Variants in SRL observed in about 807,000 individuals in gnomAD.
SRL encodes the protein sarcalumenin.
A neutral mutation model predicts 39.5 loss-of-function variants in SRL; 23 were observed. The observed-to-expected ratio is 0.58, with a 90% confidence interval of 0.42 to 0.82. SRL has a LOEUF of 0.82. Ranked by LOEUF, SRL falls within the 40% of genes least tolerant of loss-of-function variation. The probability of loss-of-function intolerance (pLI) is 0.00; values close to 1 mark genes in which losing one functional copy is unlikely to be tolerated. For synonymous variants in SRL, 272 were observed against 237.4 expected, an observed-to-expected ratio of 1.15 and a Z score of -1.34; for missense variants, 592 against 607.8, an observed-to-expected ratio of 0.97 and a Z score of 0.27.
intron 2 of SRL, among the ~76,000 whole-genome samples, chr16:4,203,617 G>A (rs1372439821): frequency 2.6e-5 from 4 of 152,080 alleles, no homozygotes; most frequent in Admixed American, 2.0e-4. Context: ...TAACTCCTGG[G>A]CTCAAGTGAT....
chr16:4,195,149 C>T (rs1157347885), intron 5 of SRL, among the ~76,000 whole-genome samples: 1 of 152,116 alleles, frequency 6.6e-6, no homozygotes, highest in Non-Finnish European at 1.5e-5. Flanking sequence ...CCTGCCTTGG[C>T]CTCCCAGAGT....
In SRL at chr16:4,232,543, C is replaced by A. The variant is rs1352793056; in HGVS notation, c.61+9464G>T. Among the ~76,000 whole-genome samples, 4 of 151,844 alleles carry A rather than the reference C, an allele frequency of 2.6e-5. No homozygotes were observed. In the East Asian group the frequency reaches 7.7e-4, roughly 29 times the overall value. ...TTTTTTTTTTTTCAACAGAGTCTTG[C>A]TCTGGCACCCAGACTGGAGTGCACT... is the stretch of plus-strand genomic sequence containing the variant. On this transcript the variant is annotated intron_variant, in intron 1 of 5. Transcript: ENST00000399609.
At chr16:4,236,655 T>G (rs1356168933) in intron 1 of SRL, among the ~76,000 whole-genome samples, 2 of 152,092 alleles carry the variant, frequency 1.3e-5, no homozygotes, top group African/African-American at 4.8e-5. Flanking sequence ...CTGAACTTTT[T>G]TTTTTTGAGA....
chr16:4,203,520 ATTAT>A (rs1038908905), intron 2 of SRL, among the ~76,000 whole-genome samples: 1 of 151,980 alleles, frequency 6.6e-6, no homozygotes, highest in Non-Finnish European at 1.5e-5. Context: ...ATTTTATTTT[ATTAT>A]TTATTTATTT....
chr16:4,223,548 T>C (rs1014546049), intron 1 of SRL, among the ~76,000 whole-genome samples: 7 of 151,048 alleles, frequency 4.6e-5, no homozygotes, highest in Non-Finnish European at 7.4e-5. Flanking sequence ...GGCTAGGTTT[T>C]TAAATTTTTT....
intron 1 of SRL, among the ~76,000 whole-genome samples, chr16:4,217,899 G>A (rs1261485864): frequency 6.6e-6 from 1 of 152,138 alleles, no homozygotes. Context: ...GCTCAGTCAG[G>A]GGGCCCGGAG....
intron 1 of SRL, among the ~76,000 whole-genome samples, chr16:4,225,069 G>C (rs1240040602): frequency 1.3e-5 from 2 of 152,188 alleles, no homozygotes; most frequent in Non-Finnish European, 2.9e-5. Context: ...AAGCAGATTA[G>C]TGGTTGCTGG....
intron 1 of SRL, among the ~76,000 whole-genome samples, chr16:4,230,667 T>A (rs929829650): frequency 6.6e-6 from 1 of 151,612 alleles, no homozygotes; most frequent in Non-Finnish European, 1.5e-5. Flanking sequence ...GGATTACAGG[T>A]GTGAGCCACC....
chr16:4,197,083 T>TTTTTTGTG (rs1555453611), intron 4 of SRL, among the ~76,000 whole-genome samples: 3 of 69,846 alleles, frequency 4.3e-5, no homozygotes, highest in African/African-American at 1.1e-4. Flanking sequence ...TTTTTTTTTT[T>TTTTTTGTG]TGTGAGACAG....
At chr16:4,202,772 G>C (rs35059742) in intron 3 of SRL, among the ~76,000 whole-genome samples, 3 of 152,128 alleles carry the variant, frequency 2.0e-5, no homozygotes, top group Admixed American at 6.5e-5. Flanking sequence ...GGGAAGGAAC[G>C]GAGTGATCAG....
chr16:4,217,466 G>A (rs2052473097), intron 1 of SRL, among the ~76,000 whole-genome samples: 1 of 152,118 alleles, frequency 6.6e-6, no homozygotes, highest in South Asian at 2.1e-4. Flanking sequence ...TGCCCAGGCT[G>A]GTCTCAAACT....
chr16:4,214,810 C>G (rs1026559962), intron 1 of SRL, among the ~76,000 whole-genome samples: 1 of 151,700 alleles, frequency 6.6e-6, no homozygotes, highest in Non-Finnish European at 1.5e-5. Flanking sequence ...TTCTGTCGCC[C>G]AGGGTGGAGT....
intron 1 of SRL, among the ~76,000 whole-genome samples, chr16:4,216,960 C>T (rs529636479): frequency 1.3e-5 from 2 of 152,154 alleles, no homozygotes; most frequent in Non-Finnish European, 2.9e-5. Context: ...GCGTGGCTCC[C>T]GCAGGTCTCA....
At chr16:4,234,814 G>A (rs964415865) in intron 1 of SRL, among the ~76,000 whole-genome samples, 6 of 152,186 alleles carry the variant, frequency 3.9e-5, no homozygotes, top group Admixed American at 6.5e-5. Context: ...AGAAACCCCT[G>A]CTATGTAGCT....
intron 1 of SRL, among the ~76,000 whole-genome samples, chr16:4,239,323 C>T (rs993218480): frequency 2.0e-5 from 3 of 152,130 alleles, no homozygotes; most frequent in African/African-American, 4.8e-5. Context: ...ATTGGGGTGG[C>T]CGGGTGGGGC....
Position 4,204,182 on chromosome 16 carries a change from A to T in SRL, c.163+351T>A, listed in dbSNP as rs530477596. Among the ~76,000 whole-genome samples the T allele has an allele frequency of 5.9e-5, 9 of 152,368 alleles. No homozygotes were observed. In the South Asian group the frequency reaches 1.9e-3, roughly 32 times the overall value. ...TCAAAGATAAAATGAAACAGCACACATGAAACGGCTTTATAAACTAAAAAT... is the reference window on the plus strand; with the variant it reads ...TCAAAGATAAAATGAAACAGCACACTTGAAACGGCTTTATAAACTAAAAAT... On this transcript the variant is annotated intron_variant, in intron 2 of 5. Coordinates refer to ENST00000399609, the MANE Select transcript of SRL (RefSeq NM_001098814.2).
rs1298880867 is a variant in SRL at position 4,192,929 on chromosome 16, C to T, written c.646G>A (p.Asp216Asn). 5 of 1,613,198 alleles carry T rather than the reference C, an allele frequency of 3.1e-6. No individual in the cohort carries two copies. Among genetic ancestry groups the T allele is most frequent in the Admixed American group, 1.7e-5 (1 of 59,982 alleles). The change falls in exon 6 of 6, where the codon GAC becomes AAC. Residue 216 changes from aspartate (D) to asparagine (N), a missense_variant. By Grantham distance (23) the Asp-to-Asn change is conservative. Coordinates refer to ENST00000399609, the MANE Select transcript of SRL (RefSeq NM_001098814.2). This position sits in a 1 kb window ranked among gnomAD's most constrained non-coding sequence, Gnocchi z 4.0. ...ACGACAAAGATGAGGTCAGCTCTGT[C>T]GATGAACCACTGGCACACGTCGTTG... ...PFNDVCQWFI[D>N]RADLIFVVFD...
chr16:4,227,763 C>T (rs1193104934), intron 1 of SRL, among the ~76,000 whole-genome samples: 1 of 152,152 alleles, frequency 6.6e-6, no homozygotes, highest in African/African-American at 2.4e-5. Context: ...GCCCGCTTCT[C>T]ATTATTAAAA....
intron 1 of SRL, among the ~76,000 whole-genome samples, chr16:4,225,414 C>G (rs866781974): frequency 9.2e-5 from 14 of 151,964 alleles, no homozygotes; most frequent in African/African-American, 3.1e-4. Flanking sequence ...GAGACCTCAT[C>G]TCTACCAAAA....
Sources: gnomAD v4.1 joint callset for allele counts (sites outside exome capture counted in the v4.1 genomes callset) on GRCh38, gnomAD v4.1.1 for gene constraint, Gnocchi (gnomAD v3.1) non-coding constraint, MANE v1.5 for transcripts, NCBI Gene and HGNC (gene_info 2026-07-23, HGNC 2026-07-21) for gene names.